Variants in STXBP5L observed in about 807,000 individuals in gnomAD.
STXBP5L encodes the protein syntaxin binding protein 5L, also known as syntaxin-binding protein 5-like.
STXBP5L carries 65 observed loss-of-function variants against 144.5 expected under a neutral mutation model. The observed-to-expected ratio is 0.45, with a 90% confidence interval of 0.37 to 0.55. The LOEUF (loss-of-function observed/expected upper bound fraction) is 0.55. Ranked by LOEUF, STXBP5L falls within the 20% of genes least tolerant of loss-of-function variation. The probability of loss-of-function intolerance (pLI) is 0.00; values close to 1 mark genes in which losing one functional copy is unlikely to be tolerated. For synonymous variants in STXBP5L, 505 were observed against 469.6 expected (o/e 1.08, Z -0.97); for missense variants, 1,298 against 1,405.5 (o/e 0.92, Z 1.22).
chr3:121,016,272 A>C (rs982813941), intron 3 of STXBP5L, among the ~76,000 whole-genome samples: 7 of 152,250 alleles, frequency 4.6e-5, no homozygotes, highest in Non-Finnish European at 8.8e-5. Context: ...AGAGTCAGCA[A>C]TAGCATAGAT....
At chr3:121,252,040 C>T (rs1226534360) in intron 15 of STXBP5L, among the ~76,000 whole-genome samples, 1 of 152,116 alleles carries the variant, frequency 6.6e-6, no homozygotes, top group Admixed American at 6.5e-5. Context: ...TCCTTTCCCA[C>T]CACCTCAAAG....
chr3:121,050,067 G>C (rs1018108626), intron 5 of STXBP5L, among the ~76,000 whole-genome samples: 1 of 152,126 alleles, frequency 6.6e-6, no homozygotes, highest in African/African-American at 2.4e-5. Context: ...CAATTGTCCT[G>C]TCTTGCTCTT....
chr3:121,076,719 G>C (rs977801975), intron 5 of STXBP5L, among the ~76,000 whole-genome samples: 10 of 152,146 alleles, frequency 6.6e-5, no homozygotes, highest in African/African-American at 1.9e-4. Context: ...CTCAGTTTCT[G>C]TGGAGTTAGG....
At chr3:120,911,355 A>G (rs183708991) in intron 2 of STXBP5L, among the ~76,000 whole-genome samples, 1 of 152,232 alleles carries the variant, frequency 6.6e-6, no homozygotes, top group East Asian at 1.9e-4. Flanking sequence ...ACTACTTTAA[A>G]AACATATGGC....
intron 20 of STXBP5L, among the ~76,000 whole-genome samples, chr3:121,361,471 T>C (rs2045711241): frequency 6.6e-6 from 1 of 152,128 alleles, no homozygotes; most frequent in Non-Finnish European, 1.5e-5. Flanking sequence ...CATGCTTCAT[T>C]CTTTTTTATT....
At chr3:121,076,452 C>T (rs973435589) in intron 5 of STXBP5L, among the ~76,000 whole-genome samples, 1 of 152,116 alleles carries the variant, frequency 6.6e-6, no homozygotes, top group African/African-American at 2.4e-5. Flanking sequence ...CAGTCTCTTT[C>T]TGTGGTTCCT....
chr3:120,974,134 T>A (rs1437593534), intron 3 of STXBP5L, among the ~76,000 whole-genome samples: 1 of 152,180 alleles, frequency 6.6e-6, no homozygotes, highest in Non-Finnish European at 1.5e-5. Context: ...TCCACAATGG[T>A]TGAACTAGTT....
At chr3:121,276,735 TAATA>T (rs199632944) in intron 18 of STXBP5L, among the ~76,000 whole-genome samples, 2,923 of 152,006 alleles carry the variant, frequency 0.019, 83 homozygotes, top group African/African-American at 0.066. Context: ...TTTTTACATG[TAATA>T]AATTTTTTTA....
intron 3 of STXBP5L, 128 bp downstream of exon 3, chr3:120,955,165 G>GA: frequency 1.5e-6 from 1 of 673,314 alleles, no homozygotes. Flanking sequence ...TAACTATTGT[G>GA]AAAAATCTGC....
chr3:121,002,556 T>C (rs1022398518), intron 3 of STXBP5L, among the ~76,000 whole-genome samples: 1 of 152,248 alleles, frequency 6.6e-6, no homozygotes, highest in Non-Finnish European at 1.5e-5. Flanking sequence ...CATTTGTTTA[T>C]TTTGTTGTTG....
At chr3:120,946,055 T>A (rs189016563) in intron 2 of STXBP5L, among the ~76,000 whole-genome samples, 194 of 151,972 alleles carry the variant, frequency 1.3e-3, no homozygotes, top group Non-Finnish European at 2.4e-3. Context: ...TTTTTTTCAT[T>A]TTTTAGGCTG....
chr3:120,950,925 CA>C (rs1381808153), intron 2 of STXBP5L, among the ~76,000 whole-genome samples: 2 of 152,098 alleles, frequency 1.3e-5, no homozygotes, highest in Non-Finnish European at 2.9e-5. Context: ...CTACAGTAAC[CA>C]AAACAGCATG....
At chr3:121,113,365 G>T (rs1445862053) in intron 5 of STXBP5L, among the ~76,000 whole-genome samples, 1 of 151,952 alleles carries the variant, frequency 6.6e-6, no homozygotes. Context: ...ATTCTTCATT[G>T]CCTTGAAACA....
chr3:121,096,686 G>GA lies in STXBP5L; in HGVS notation c.471-18229dup, dbSNP rs569114642. Among the ~76,000 whole-genome samples, 433 of 147,748 alleles carry GA rather than the reference G, an allele frequency of 2.9e-3. 2 individuals carry two copies. Among genetic ancestry groups the GA allele is most frequent in the Middle Eastern group, 0.01 (3 of 292 alleles). On this transcript the variant is annotated intron_variant, in intron 5 of 26. Transcript: ENST00000471454. ...CAGGGGCGGCTGCATAACAGCGAAAGAAAAAAAAAAGCCTGTTTTTTCCTC... is the reference window on the plus strand; with the variant it reads ...CAGGGGCGGCTGCATAACAGCGAAAGAAAAAAAAAAAGCCTGTTTTTTCCTC...
At chr3:120,918,892 A>T (rs546735891) in intron 2 of STXBP5L, among the ~76,000 whole-genome samples, 1 of 152,268 alleles carries the variant, frequency 6.6e-6, no homozygotes, top group Admixed American at 6.5e-5. Context: ...TTCTTTATGA[A>T]CTAGAAGGCT....
chr3:121,000,273 A>G (rs1275392509), intron 3 of STXBP5L, among the ~76,000 whole-genome samples: 1 of 152,144 alleles, frequency 6.6e-6, no homozygotes, highest in African/African-American at 2.4e-5. Flanking sequence ...GTCTATAAAA[A>G]TTCCATATAT....
At chr3:121,058,724 C>A (rs980666868) in intron 5 of STXBP5L, among the ~76,000 whole-genome samples, 1 of 152,156 alleles carries the variant, frequency 6.6e-6, no homozygotes, top group African/African-American at 2.4e-5. Context: ...CTCTAATGAC[C>A]AGTGATGATG....
At position 121,283,895 on chromosome 3, in the gene STXBP5L, TTGTG is replaced by T. The variant is rs59432986; in HGVS notation, c.2110+3969_2110+3972del. On this transcript the variant is annotated intron_variant, in intron 19 of 26. Coordinates refer to ENST00000471454, the MANE Select transcript of STXBP5L (RefSeq NM_001308330.2). ...GGATCTCCTACATTTGTGTGTGTGC[TTGTG>T]TGTGTGTGTGTGTGTGTGTGTGTGT... Among the ~76,000 whole-genome samples, 51 of 116,192 alleles carry T rather than the reference TTGTG, an allele frequency of 4.4e-4. 1 individual carries two copies. The highest frequency in any genetic ancestry group is 1.2e-3 in the East Asian group (5 of 4,150). 76.2% of individuals were successfully genotyped at this position (116,192 alleles called of 152,430 possible).
At chr3:121,170,316 G>T (rs1034114248) in intron 9 of STXBP5L, among the ~76,000 whole-genome samples, 1 of 152,002 alleles carries the variant, frequency 6.6e-6, no homozygotes, top group African/African-American at 2.4e-5. Context: ...ATATTCAAAA[G>T]CTAGCAGAAG....
Sources: gnomAD v4.1 joint callset for allele counts (sites outside exome capture counted in the v4.1 genomes callset) on GRCh38, gnomAD v4.1.1 for gene constraint, MANE v1.5 for transcripts, NCBI Gene and HGNC (gene_info 2026-07-23, HGNC 2026-07-21) for gene names.